The following STXBP5L variants were observed in gnomAD, a reference collection of about 807,000 sequenced individuals.
STXBP5L encodes the protein syntaxin binding protein 5L.
Under a neutral mutation model 144.5 loss-of-function variants are expected in STXBP5L, and 65 were observed. The ratio of observed to expected loss-of-function variants is 0.45; its 90% CI spans 0.37 to 0.55. The LOEUF (loss-of-function observed/expected upper bound fraction) is 0.55, where lower values mean the gene tolerates loss of function less well. STXBP5L is among the 20% of genes least tolerant of loss of function. STXBP5L has a pLI of 0.00. For synonymous variants in STXBP5L, 505 were observed against 469.6 expected, an observed-to-expected ratio of 1.08 and a Z score of -0.97; for missense variants, 1,298 against 1,405.5, an observed-to-expected ratio of 0.92 and a Z score of 1.22.
intron 20 of STXBP5L, among the ~76,000 whole-genome samples, chr3:121,356,465 G>C (rs1233253750): frequency 6.6e-6 from 1 of 152,258 alleles, no homozygotes; most frequent in Non-Finnish European, 1.5e-5. Flanking sequence ...CTAGCAGTGA[G>C]CAAGGCTCTG....
intron 2 of STXBP5L, among the ~76,000 whole-genome samples, chr3:120,918,930 A>C (rs899975603): frequency 2.3e-4 from 35 of 152,278 alleles, no homozygotes; most frequent in Non-Finnish European, 2.8e-4. Context: ...TGGGTTGTTC[A>C]GTGTACCACA....
intron 5 of STXBP5L, among the ~76,000 whole-genome samples, chr3:121,087,740 G>T (rs534114397): frequency 1.3e-4 from 19 of 151,680 alleles, no homozygotes; most frequent in Non-Finnish European, 2.1e-4. Context: ...TTATTGCTCT[G>T]CTTTTTTCCC....
intron 19 of STXBP5L, among the ~76,000 whole-genome samples, chr3:121,307,896 C>A (rs146631637): frequency 6.6e-6 from 1 of 151,710 alleles, no homozygotes; most frequent in Non-Finnish European, 1.5e-5. Context: ...TGCTGAAACA[C>A]GCTACAAGGC....
In STXBP5L at chr3:121,174,324, A is replaced by G. The variant is rs926750773; in HGVS notation, c.877+16697A>G. Among the ~76,000 whole-genome samples, 4 of 152,146 alleles carry G rather than the reference A, an allele frequency of 2.6e-5. No individual in the cohort carries two copies. In the East Asian group the frequency reaches 7.7e-4, roughly 29 times the overall value. The stretch of plus-strand genomic sequence containing the variant: ...AATGATAATATAGACTAGTATCTAT[A>G]TATTTTCTACATATTCATGGCATAG... On this transcript the variant is annotated intron_variant, in intron 9 of 26. Transcript: ENST00000471454.
chr3:121,108,751 T>C (rs973948882), intron 5 of STXBP5L, among the ~76,000 whole-genome samples: 2 of 152,158 alleles, frequency 1.3e-5, no homozygotes, highest in African/African-American at 4.8e-5. Flanking sequence ...CACTAGTCCT[T>C]CCTTTTAATT....
At chr3:121,177,057 A>G (rs1003665470) in intron 9 of STXBP5L, among the ~76,000 whole-genome samples, 1 of 151,254 alleles carries the variant, frequency 6.6e-6, no homozygotes, top group African/African-American at 2.4e-5. Context: ...GGGGAAAAAA[A>G]TCTGCTAGGC....
intron 3 of STXBP5L, among the ~76,000 whole-genome samples, chr3:120,966,990 C>T (rs1177693215): frequency 6.6e-6 from 1 of 152,130 alleles, no homozygotes; most frequent in Non-Finnish European, 1.5e-5. Context: ...TTTACCTACT[C>T]AAGCTTCAGC....
chr3:121,046,971 AT>A (rs1947560799), intron 5 of STXBP5L, among the ~76,000 whole-genome samples: 2 of 151,684 alleles, frequency 1.3e-5, no homozygotes, highest in Admixed American at 1.3e-4. Flanking sequence ...GATTTTATGA[AT>A]TTTTGATGTG....
chr3:121,404,709 C>A (rs2046957564), intron 22 of STXBP5L, among the ~76,000 whole-genome samples: 1 of 152,134 alleles, frequency 6.6e-6, no homozygotes, highest in African/African-American at 2.4e-5. Flanking sequence ...TGATAGAAGA[C>A]ATGAAACTCC....
chr3:121,045,625 A>T, intron 5 of STXBP5L, 90 bp downstream of exon 5: 2 of 1,125,760 alleles, frequency 1.8e-6, no homozygotes, highest in African/African-American at 1.6e-5. Flanking sequence ...TTTTTTCCTC[A>T]TAATCTCAAC....
chr3:121,097,371 C>A (rs544807132), intron 5 of STXBP5L, among the ~76,000 whole-genome samples: 1 of 152,166 alleles, frequency 6.6e-6, no homozygotes, highest in Non-Finnish European at 1.5e-5. Context: ...AAGAAAAACA[C>A]CTGCAGCTAG....
chr3:121,006,365 G>A (rs1028898327), intron 3 of STXBP5L, among the ~76,000 whole-genome samples: 10 of 151,876 alleles, frequency 6.6e-5, no homozygotes, highest in African/African-American at 2.4e-4. Context: ...TCAGAGACTA[G>A]GATTGCAATC....
At chr3:121,187,229 T>G (rs565153368) in intron 9 of STXBP5L, among the ~76,000 whole-genome samples, 54 of 152,044 alleles carry the variant, frequency 3.6e-4, no homozygotes, top group African/African-American at 1.2e-3. Context: ...CCATAAAAAA[T>G]GATGAGTTCA....
At chr3:121,231,807 T>G (rs1328637281) in intron 11 of STXBP5L, among the ~76,000 whole-genome samples, 1 of 152,124 alleles carries the variant, frequency 6.6e-6, no homozygotes, top group Non-Finnish European at 1.5e-5. Context: ...GCTGTTTCTG[T>G]GCCATCAAAA....
chr3:120,939,765 A>G (rs1710469419), intron 2 of STXBP5L, among the ~76,000 whole-genome samples: 1 of 152,168 alleles, frequency 6.6e-6, no homozygotes, highest in Non-Finnish European at 1.5e-5. Context: ...ATATAGAAAT[A>G]CCTATCAAGT....
At chr3:121,367,592 C>CTTTTTTTTTTTTT (rs1560026606) in intron 20 of STXBP5L, among the ~76,000 whole-genome samples, 1 of 59,138 alleles carries the variant, frequency 1.7e-5, no homozygotes, top group Non-Finnish European at 3.4e-5. Context: ...GTCTTCGACT[C>CTTTTTTTTTTTTT]TTGTTTTTTT....
chr3:121,000,248 G>A (rs1943663074), intron 3 of STXBP5L, among the ~76,000 whole-genome samples: 1 of 152,078 alleles, frequency 6.6e-6, no homozygotes, highest in African/African-American at 2.4e-5. Context: ...GTGACACTAA[G>A]GAGTCATAGA....
At chr3:120,979,999 G>A (rs548734413) in intron 3 of STXBP5L, among the ~76,000 whole-genome samples, 1 of 152,214 alleles carries the variant, frequency 6.6e-6, no homozygotes, top group South Asian at 2.1e-4. Context: ...TTCAGGAGCA[G>A]GTTGTTCAAT....
rs2041835595 is a variant in STXBP5L at position 121,072,126 on chromosome 3, A to G, written c.470+26591A>G. On this transcript the variant is annotated intron_variant, in intron 5 of 26. Transcript: ENST00000471454. ...GGCCATTGTCTGTTCCTAAAGTTAA[A>G]GGCAGTTCAAATTTAGGAATAATGT... 2.0e-5 allele frequency among the ~76,000 whole-genome samples: 3 copies of G among 152,242 alleles called. No homozygotes were observed. In the South Asian group the frequency reaches 6.2e-4, roughly 32 times the overall value.
Sources: gnomAD v4.1 joint callset for allele counts (sites outside exome capture counted in the v4.1 genomes callset) on GRCh38, gnomAD v4.1.1 for gene constraint, MANE v1.5 for transcripts, NCBI Gene and HGNC (gene_info 2026-07-23, HGNC 2026-07-21) for gene names.